ABCC6: variants seen among roughly 807,000 people sequenced by gnomAD.
ABCC6 encodes the protein ATP-binding cassette sub-family C member 6.
A neutral mutation model predicts 169.5 loss-of-function variants in ABCC6; 126 were observed. That is an observed-to-expected ratio of 0.74 (90% confidence interval 0.64 to 0.86). The LOEUF is 0.86. ABCC6 is among the 40% of genes least tolerant of loss of function. The probability of loss-of-function intolerance (pLI) is 0.00; values close to 1 mark genes in which losing one functional copy is unlikely to be tolerated. For synonymous variants in ABCC6, 752 were observed against 814.7 expected, an observed-to-expected ratio of 0.92 and a Z score of 1.31; for missense variants, 1,733 against 1,927.2, an observed-to-expected ratio of 0.90 and a Z score of 1.89.
Position 16,188,987 on chromosome 16 carries a change from G to A in ABCC6, c.1636-13C>T, listed in dbSNP as rs773429864. 2 of 1,613,428 alleles carry A rather than the reference G, an allele frequency of 1.2e-6. No individual in the cohort carries two copies. Among genetic ancestry groups the A allele is most frequent in the Non-Finnish European group, 1.7e-6 (2 of 1,179,982 alleles). ...CCACCAGTGCGACCTGGGGGGTGGG[G>A]GGGACACGTGGGGCAACAGTGAGAC... is the stretch of plus-strand genomic sequence containing the variant. On this transcript the variant is annotated splice_polypyrimidine_tract_variant and intron_variant, in intron 12 of 30. Coordinates refer to ENST00000205557, the MANE Select transcript of ABCC6 (RefSeq NM_001171.6).
At chr16:16,173,028 C>T (rs891390616) in intron 21 of ABCC6, 11 of 536,618 alleles carry the variant, frequency 2.0e-5, no homozygotes, top group Admixed American at 3.2e-5. Flanking sequence ...GGTGAGTGAG[C>T]GAGCCACTTT....
Position 16,165,749 on chromosome 16 carries a change from T to C in ABCC6, c.3180A>G (p.Pro1060=). 1.2e-6 allele frequency: 2 copies of C among 1,613,780 alleles called. No homozygotes were observed. Among genetic ancestry groups the C allele is most frequent in the Non-Finnish European group, 1.7e-6 (2 of 1,180,036 alleles). ...KETDTVDVDI[P]DKLRSLLMYA... is the part of the protein sequence containing the mutation. ...ACATCAGCAGGGACCGGAGTTTGTC[T>C]GGAATGTCCACGTCAACCGTGTCTG... The change falls in exon 23 of 31, where the codon CCA becomes CCG. Residue 1060 remains proline (P), a synonymous_variant. Coordinates refer to ENST00000205557, the MANE Select transcript of ABCC6 (RefSeq NM_001171.6).
At chr16:16,212,810 C>T (rs1490011327) in intron 5 of ABCC6, among the ~76,000 whole-genome samples, 6 of 152,044 alleles carry the variant, frequency 3.9e-5, no homozygotes, top group African/African-American at 1.5e-4. Flanking sequence ...CCTTGCTTTG[C>T]TTCTCAAAAG....
At chr16:16,186,753 C>T (rs1488975942) in intron 14 of ABCC6, among the ~76,000 whole-genome samples, 1 of 151,470 alleles carries the variant, frequency 6.6e-6, no homozygotes, top group East Asian at 1.9e-4. Context: ...ATAAAGGGCA[C>T]AATAAATGGA....
intron 2 of ABCC6, among the ~76,000 whole-genome samples, chr16:16,220,737 A>C (rs2238466): frequency 6.6e-6 from 1 of 152,114 alleles, no homozygotes; most frequent in Non-Finnish European, 1.5e-5. Flanking sequence ...TTCTACTAAA[A>C]ATACAAAAAA....
chr16:16,180,878 A>C (rs2047443923), intron 17 of ABCC6, among the ~76,000 whole-genome samples: 1 of 152,246 alleles, frequency 6.6e-6, no homozygotes. Flanking sequence ...CTGGAGAAAC[A>C]GCAATGAGCA....
intron 4 of ABCC6, among the ~76,000 whole-genome samples, chr16:16,216,217 C>T (rs1037171803): frequency 6.6e-6 from 1 of 152,180 alleles, no homozygotes; most frequent in African/African-American, 2.4e-5. Context: ...CCACTGTGTC[C>T]AGCCTCTTTT....
chr16:16,150,195 C>T lies in ABCC6; in HGVS notation c.4450G>A (p.Ala1484Thr), dbSNP rs1488231488. ...KGQVAESGSP[A>T]QLLAQKGLFY... ...AGGCCCTTCTGGGCCAGCAGCTGGG[C>T]CGGGCTGCCGCTCTCTGCCACCTGC... The change falls in exon 31 of 31, where the codon GCC becomes ACC. Residue 1484 changes from alanine to threonine, a missense_variant. Physicochemically the swap from Ala to Thr is moderately conservative, Grantham distance 58 (BLOSUM62 0). Coordinates refer to ENST00000205557, the MANE Select transcript of ABCC6 (RefSeq NM_001171.6). 1 of 1,613,522 alleles carries T rather than the reference C, an allele frequency of 6.2e-7. No individual in the cohort carries two copies. The highest frequency in any genetic ancestry group is 1.3e-5 in the African/African-American group (1 of 74,918).
At chr16:16,199,958 T>C (rs62030353) in intron 9 of ABCC6, among the ~76,000 whole-genome samples, 54,246 of 150,930 alleles carry the variant, frequency 0.36, 10,416 homozygotes, top group Admixed American at 0.44. Flanking sequence ...ATCCCAGCTA[T>C]TTGGGAGGGT....
chr16:16,178,886 A>G lies in ABCC6; in HGVS notation c.2327T>C (p.Leu776Pro). 1 of 1,613,898 alleles carries G rather than the reference A, an allele frequency of 6.2e-7. No individual in the cohort carries two copies. Among genetic ancestry groups the G allele is most frequent in the Non-Finnish European group, 8.5e-7 (1 of 1,180,030 alleles). ...AVYRKAAVYL[L>P]DDPLAALDAH... ...ATCCAGGGCCGCCAGGGGGTCATCC[A>G]GCAGGTACACAGCTGCCTTTCTGTA... The change falls in exon 18 of 31, where the codon CTG becomes CCG. Residue 776 changes from leucine to proline, a missense_variant. This residue lies in a region of ABCC6 where 1,601 missense variants were observed against 1,635.5 expected (regional missense o/e 0.98). Coordinates refer to ENST00000205557, the MANE Select transcript of ABCC6 (RefSeq NM_001171.6).
chr16:16,194,652 C>A (rs148611222), intron 10 of ABCC6, among the ~76,000 whole-genome samples: 1 of 152,074 alleles, frequency 6.6e-6, no homozygotes, highest in African/African-American at 2.4e-5. Flanking sequence ...CTCAGTTTCC[C>A]GTCTCAGTCC....
chr16:16,180,178 C>T (rs565150753), intron 17 of ABCC6, among the ~76,000 whole-genome samples: 8 of 152,288 alleles, frequency 5.3e-5, no homozygotes, highest in South Asian at 4.1e-4. Context: ...AAACCTCACT[C>T]GCCTGCCCTC....
chr16:16,175,965 G>C lies in ABCC6; in HGVS notation c.2612C>G (p.Thr871Ser), dbSNP rs746808719. 2 of 1,614,076 alleles carry C rather than the reference G, an allele frequency of 1.2e-6. No individual in the cohort carries two copies. Among genetic ancestry groups the C allele is most frequent in the Admixed American group, 3.3e-5 (2 of 60,004 alleles). The change falls in exon 20 of 31, where the codon ACC becomes AGC. Residue 871 changes from threonine to serine, a missense_variant. Coordinates refer to ENST00000205557, the MANE Select transcript of ABCC6 (RefSeq NM_001171.6). ...TGCAGAGGTGCCTCTGGGGTCCTTG[G>C]TGCTGGTCCCAGGTTCTGTTTCTGC... is the stretch of plus-strand genomic sequence containing the variant. The part of the protein sequence containing the change: ...GEGETEPGTS[T>S]KDPRGTSAGR...
At chr16:16,203,656 T>G in intron 7 of ABCC6, 43 bp from the exon 8 acceptor site, 1 of 1,610,046 alleles carries the variant, frequency 6.2e-7, no homozygotes, top group South Asian at 1.1e-5. Flanking sequence ...CATTTTATAC[T>G]CTCAGCCGCC....
rs138106625 is a variant in ABCC6, at chr16:16,196,924, C to T, written c.1338+1097G>A. On this transcript the variant is annotated intron_variant, in intron 10 of 30. Transcript: ENST00000205557. ...GCCAGGCTGGTCTGGAACTCCTGGC[C>T]TCAAGTGATCCACCTACCTCACCCC... Among the ~76,000 whole-genome samples the T allele has an allele frequency of 9.6e-4, 146 of 152,204 alleles. 1 individual carries two copies. The highest frequency in any genetic ancestry group is 3.3e-3 in the African/African-American group (138 of 41,522).
intron 10 of ABCC6, among the ~76,000 whole-genome samples, chr16:16,194,551 T>G (rs1839623355): frequency 1.3e-5 from 2 of 152,198 alleles, no homozygotes; most frequent in Non-Finnish European, 2.9e-5. Context: ...GAATAAATGA[T>G]TTTTAAGTTG....
Position 16,201,027 on chromosome 16 carries a change from C to T in ABCC6, c.1176+974G>A, listed in dbSNP as rs113461244. On this transcript the variant is annotated intron_variant, in intron 9 of 30. Transcript: ENST00000205557. ...TCTTACCCAGGCTGCGCTGTAGTGG[C>T]GTGATCTCAGTTCACTGCAACCTCC... Among the ~76,000 whole-genome samples the T allele has an allele frequency of 6.2e-3, 940 of 152,184 alleles. 11 individuals carry two copies. Among genetic ancestry groups the T allele is most frequent in the African/African-American group, 0.02 (811 of 41,522 alleles).
chr16:16,190,223 G>A lies in ABCC6; in HGVS notation c.1576C>T (p.Arg526Trp), dbSNP rs773079563. The change falls in exon 12 of 31, where the codon CGG (arginine) becomes TGG (tryptophan). Residue 526 changes from arginine (R) to tryptophan (W), a missense_variant. Arg to Trp is a moderately radical substitution (Grantham distance 101). Coordinates refer to ENST00000205557, the MANE Select transcript of ABCC6 (RefSeq NM_001171.6). ...ACAGAGAAGAGGAGGCCGGAGGTCCGCAAGGCGCCCAGCTCCTGGCCTCGG... is the reference window on the plus strand; with the variant it reads ...ACAGAGAAGAGGAGGCCGGAGGTCCACAAGGCGCCCAGCTCCTGGCCTCGG... ...GIRGQELGAL[R>W]TSGLLFSVSL... 11 of 1,613,868 alleles carry A rather than the reference G, an allele frequency of 6.8e-6. No individual in the cohort carries two copies. Among genetic ancestry groups the A allele is most frequent in the South Asian group, 3.3e-5 (3 of 91,060 alleles).
intron 10 of ABCC6, among the ~76,000 whole-genome samples, chr16:16,197,234 G>C (rs1365726259): frequency 1.3e-5 from 2 of 152,024 alleles, no homozygotes; most frequent in Admixed American, 6.6e-5. Flanking sequence ...TGCCTACTGG[G>C]TACCCTAATA....
Sources: allele counts gnomAD v4.1 joint callset (sites outside exome capture counted in the v4.1 genomes callset), GRCh38; gene constraint gnomAD v4.1.1; regional missense constraint gnomAD v4.1.1; transcripts MANE v1.5; gene names NCBI Gene and HGNC (gene_info 2026-07-23, HGNC 2026-07-21).